Variants in PARS2 observed in about 807,000 individuals in gnomAD.
PARS2 encodes the protein probable proline--tRNA ligase, mitochondrial.
Under a neutral mutation model 27.4 loss-of-function variants are expected in PARS2, and 20 were observed. The observed-to-expected ratio is 0.73, with a 90% CI of 0.51 to 1.06. The LOEUF is 1.06. PARS2 is among the 50% of genes least tolerant of loss of function. The pLI, the probability that PARS2 is intolerant of heterozygous loss-of-function variation, is 0.00. For synonymous variants in PARS2, 240 were observed against 247.1 expected (o/e 0.97, Z 0.27); for missense variants, 585 against 602.1 (o/e 0.97, Z 0.30).
Position 54,759,034 on chromosome 1 carries a change from G to A in PARS2, c.128C>T (p.Ser43Phe), listed in dbSNP as rs779115285. Residue 43 changes from serine to phenylalanine, a missense_variant, in exon 2 of 2, where the codon TCT becomes TTT. Ser to Phe is a radical substitution (Grantham distance 155, BLOSUM62 -2). Coordinates refer to ENST00000371279, the MANE Select transcript of PARS2 (RefSeq NM_152268.4). ...APRRGRRLLL[S>F]RVFQPQNLRE... ...AAGGTTCTGTGGCTGGAACACACGA[G>A]ACAGCAGCAGGCGCCGCCCTCTTCT... 5.0e-6 allele frequency: 8 copies of A among 1,614,052 alleles called. No homozygotes were observed. The highest frequency in any genetic ancestry group is 6.8e-6 in the Non-Finnish European group (8 of 1,180,032).
rs1557762185 is a variant in PARS2 at position 54,757,836 on chromosome 1, C to T, written c.1326G>A (p.Glu442=). 1 of 1,614,156 alleles carries T rather than the reference C, an allele frequency of 6.2e-7. No homozygotes were observed. ...ACCAAACCTCAAAATGTGCAGGGTC[C>T]TCCAGGGCCCTCTTGCCAGCGATTA... The part of the protein sequence containing the change: ...FVIIAGKRAL[E]DPAHFEVWCQ... Residue 442 remains glutamate, a synonymous_variant, in exon 2 of 2, where the codon GAG becomes GAA. Coordinates refer to ENST00000371279, the MANE Select transcript of PARS2 (RefSeq NM_152268.4).
chr1:54,761,079 C>G (rs1646153694), intron 1 of PARS2, among the ~76,000 whole-genome samples: 1 of 152,104 alleles, frequency 6.6e-6, no homozygotes, highest in African/African-American at 2.4e-5. Flanking sequence ...CGCCCGGCCC[C>G]ATGCCCATTC....
intron 1 of PARS2, among the ~76,000 whole-genome samples, chr1:54,760,136 C>A (rs756356555): frequency 6.6e-6 from 1 of 152,150 alleles, no homozygotes; most frequent in Non-Finnish European, 1.5e-5. Context: ...CCTCTACCTG[C>A]CCCCAATATT....
In PARS2 at chr1:54,758,036, G is replaced by A. The variant is rs1646131693; in HGVS notation, c.1126C>T (p.Pro376Ser). Residue 376 changes from proline to serine, a missense_variant, in exon 2 of 2, where the codon CCC (proline) becomes TCC (serine). Pro to Ser is a moderately conservative substitution (Grantham distance 74). Coordinates refer to ENST00000371279, the MANE Select transcript of PARS2 (RefSeq NM_152268.4). ...LLAPYQACLI[P>S]PKKGSKEQAA... is the part of the protein sequence containing the mutation. ...TGCTCCTTACTGCCCTTCTTAGGGG[G>A]GATGAGGCAGGCTTGGTAAGGGGCC... 3.1e-6 allele frequency: 5 copies of A among 1,613,942 alleles called. No homozygotes were observed. Among genetic ancestry groups the A allele is most frequent in the Non-Finnish European group, 4.2e-6 (5 of 1,179,986 alleles).
chr1:54,759,468 G>A (rs774201513), intron 1 of PARS2, among the ~76,000 whole-genome samples: 4 of 152,200 alleles, frequency 2.6e-5, no homozygotes, highest in South Asian at 2.1e-4. Flanking sequence ...GAATCAGGCA[G>A]CCTGGATTCC....
chr1:54,758,232 T>C lies in PARS2; in HGVS notation c.930A>G (p.Thr310=). The C allele has an allele frequency of 6.2e-7, 1 of 1,614,162 alleles. No individual in the cohort carries two copies. The highest frequency in any genetic ancestry group is 1.1e-5 in the South Asian group (1 of 91,090). The part of the protein sequence containing the change: ...TKTKGIEVGH[T]FYLGTKYSSI... Reference sequence around the variant, plus strand: ...ATGAGTACTTGGTACCCAGGTAAAATGTGTGCCCCACCTCAATGCCTTTGG... The same window carrying C: ...ATGAGTACTTGGTACCCAGGTAAAACGTGTGCCCCACCTCAATGCCTTTGG... Residue 310 remains threonine, a synonymous_variant, in exon 2 of 2, where the codon ACA becomes ACG. Coordinates refer to ENST00000371279, the MANE Select transcript of PARS2 (RefSeq NM_152268.4).
intron 1 of PARS2, among the ~76,000 whole-genome samples, chr1:54,763,768 A>T (rs1217017266): frequency 6.6e-6 from 1 of 152,244 alleles, no homozygotes; most frequent in African/African-American, 2.4e-5. Flanking sequence ...CAGCCCTTCC[A>T]GCCCAGGCCT....
At position 54,758,213 on chromosome 1, in the gene PARS2, A is replaced by G. The variant is rs1284473487; in HGVS notation, c.949T>C (p.Tyr317His). 6.2e-7 allele frequency: 1 copy of G among 1,614,242 alleles called. No homozygotes were observed. Among genetic ancestry groups the G allele is most frequent in the Non-Finnish European group, 8.5e-7 (1 of 1,180,040 alleles). Residue 317 changes from tyrosine (Y) to histidine (H), a missense_variant, in exon 2 of 2, where the codon TAC becomes CAC. Physicochemically the swap from Tyr to His is moderately conservative, Grantham distance 83. Transcript: ENST00000371279. ...VGHTFYLGTK[Y>H]SSIFNAQFTN... ...AACTGGGCATTGAAAATGGATGAGT[A>G]CTTGGTACCCAGGTAAAATGTGTGC...
At chr1:54,759,711 AAAAAG>A (rs1646143386) in intron 1 of PARS2, among the ~76,000 whole-genome samples, 1 of 152,216 alleles carries the variant, frequency 6.6e-6, no homozygotes, top group Admixed American at 6.5e-5. Context: ...TCTGAAAACA[AAAAAG>A]AAAAGAAGGC....
intron 1 of PARS2, among the ~76,000 whole-genome samples, chr1:54,759,398 TA>T: frequency 6.6e-6 from 1 of 152,198 alleles, no homozygotes; most frequent in Non-Finnish European, 1.5e-5. Flanking sequence ...TTCCTGATTA[TA>T]AAAACATTAA....
chr1:54,758,300 A>G lies in PARS2; in HGVS notation c.862T>C (p.Ser288Pro), dbSNP rs752850938. Residue 288 changes from serine (S) to proline (P), a missense_variant, in exon 2 of 2, where the codon TCA (serine) becomes CCA (proline). Transcript: ENST00000371279. The stretch of plus-strand genomic sequence containing the variant: ...TGGCAAGCAGGGCAGTTCATTTGTG[A>G]CAAGTCTAGTGTCTCCATGTTGGCT... ...FSANMETLDL[S>P]QMNCPACQGP... 3.7e-6 allele frequency: 6 copies of G among 1,614,186 alleles called. No individual in the cohort carries two copies. In the African/African-American group the frequency reaches 4.0e-5, roughly 11 times the overall value.
chr1:54,764,034 T>C (rs1646171703), intron 1 of PARS2, among the ~76,000 whole-genome samples: 3 of 152,172 alleles, frequency 2.0e-5, no homozygotes, highest in African/African-American at 7.2e-5. Flanking sequence ...TCACGAACTG[T>C]GCTACATTAA....
intron 1 of PARS2, among the ~76,000 whole-genome samples, 167 bp from the exon 2 acceptor site, chr1:54,759,357 C>T (rs746014200): frequency 6.6e-6 from 1 of 152,214 alleles, no homozygotes; most frequent in Non-Finnish European, 1.5e-5. Context: ...TTTCTCTAAC[C>T]TCTTACTTCC....
At chr1:54,761,539 G>A (rs1402760635) in intron 1 of PARS2, among the ~76,000 whole-genome samples, 2 of 152,198 alleles carry the variant, frequency 1.3e-5, no homozygotes, top group African/African-American at 4.8e-5. Context: ...ATTTGGGAGA[G>A]GCGTTGAAGA....
rs2101408079 is a variant in PARS2 at position 54,758,872 on chromosome 1, G to A, written c.290C>T (p.Ala97Val). The change falls in exon 2 of 2, where the codon GCC becomes GTC. Residue 97 changes from alanine (A) to valine (V), a missense_variant. Coordinates refer to ENST00000371279, the MANE Select transcript of PARS2 (RefSeq NM_152268.4). Reference sequence around the variant, plus strand: ...TATCACTCGCACGAGCTTCTCCATGGCACGGACGGTATATGGCAGGAGGTG... The same window carrying A: ...TATCACTCGCACGAGCTTCTCCATGACACGGACGGTATATGGCAGGAGGTG... Reference protein sequence around the residue: ...CYHLLPYTVRAMEKLVRVIDQ... With the variant: ...CYHLLPYTVRVMEKLVRVIDQ... 6.2e-7 allele frequency: 1 copy of A among 1,614,184 alleles called. No individual in the cohort carries two copies. The highest frequency in any genetic ancestry group is 8.5e-7 in the Non-Finnish European group (1 of 1,180,044).
chr1:54,763,249 G>C (rs902736098), intron 1 of PARS2, among the ~76,000 whole-genome samples: 1 of 152,112 alleles, frequency 6.6e-6, no homozygotes, highest in Admixed American at 6.5e-5. Flanking sequence ...TACTGTATTA[G>C]AATCATCTCC....
chr1:54,761,512 G>C (rs1158201238), intron 1 of PARS2, among the ~76,000 whole-genome samples: 1 of 152,230 alleles, frequency 6.6e-6, no homozygotes, highest in East Asian at 1.9e-4. Context: ...ATGAAGAGAA[G>C]GCTTTTTTTG....
rs1385835461 is a variant in PARS2 at position 54,757,807 on chromosome 1, T to C, written c.1355A>G (p.Gln452Arg). The C allele has an allele frequency of 1.2e-6, 2 of 1,614,222 alleles. No individual in the cohort carries two copies. The highest frequency in any genetic ancestry group is 1.7e-5 in the Admixed American group (1 of 60,026). ...GAGGAAGGCCACCTCACCAGTGTTC[T>C]GACACCAAACCTCAAAATGTGCAGG... ...EDPAHFEVWCQNTGEVAFLTK... is the reference protein window; with the variant it reads ...EDPAHFEVWCRNTGEVAFLTK... Residue 452 changes from glutamine (Q) to arginine (R), a missense_variant, in exon 2 of 2, where the codon CAG becomes CGG. By Grantham distance (43) the Gln-to-Arg change is conservative (BLOSUM62 1). Transcript: ENST00000371279.
chr1:54,763,967 A>T (rs1003276475), intron 1 of PARS2, among the ~76,000 whole-genome samples: 1 of 152,234 alleles, frequency 6.6e-6, no homozygotes, highest in Non-Finnish European at 1.5e-5. Context: ...CACAGCAAAT[A>T]AGCGCAGGGT....
Sources: allele counts gnomAD v4.1 joint callset (sites outside exome capture counted in the v4.1 genomes callset), GRCh38; gene constraint gnomAD v4.1.1; transcripts MANE v1.5; gene names NCBI Gene and HGNC (gene_info 2026-07-23, HGNC 2026-07-21).